Variants in LRRC28 observed in about 807,000 individuals in gnomAD.
The protein encoded by LRRC28 is leucine-rich repeat-containing protein 28.
A neutral mutation model predicts 45.7 loss-of-function variants in LRRC28; 39 were observed. The ratio of observed to expected loss-of-function variants is 0.85; its 90% CI spans 0.66 to 1.12. The LOEUF is 1.12. Among genes scored for constraint, LRRC28 ranks in the 50% most tolerant of loss-of-function variants. The pLI is 0.00. For missense variants in LRRC28, 435 were observed against 438.5 expected (o/e 0.99, Z 0.07); for synonymous variants, 206 against 178.8 (o/e 1.15, Z -1.22).
intron 9 of LRRC28, among the ~76,000 whole-genome samples, chr15:99,375,158 A>C (rs73464685): frequency 4.2e-4 from 64 of 152,230 alleles, no homozygotes; most frequent in African/African-American, 1.5e-3. Flanking sequence ...TTTCCTCTCT[A>C]TGTAGTTTGC....
At chr15:99,350,873 C>T (rs1362558085) in intron 6 of LRRC28, among the ~76,000 whole-genome samples, 1 of 152,138 alleles carries the variant, frequency 6.6e-6, no homozygotes, top group Non-Finnish European at 1.5e-5. Context: ...GATCTTGGCT[C>T]ATTGCAGCCT....
Position 99,251,485 on chromosome 15 carries a change from C to A in LRRC28, c.-117C>A, listed in dbSNP as rs1011269120. 1 of 152,472 alleles carries A rather than the reference C, an allele frequency of 6.6e-6. No individual in the cohort carries two copies. Among genetic ancestry groups the A allele is most frequent in the Non-Finnish European group, 1.5e-5 (1 of 68,042 alleles). 9.4% of individuals were successfully genotyped at this position (152,472 alleles called of 1,614,324 possible). A position where few individuals can be genotyped will look rare whatever the true frequency, so the allele number is the denominator to read the frequency against. On this transcript the variant is annotated 5_prime_UTR_variant, in exon 1 of 10. Coordinates refer to ENST00000301981, the MANE Select transcript of LRRC28 (RefSeq NM_144598.5). ...CCCTGCCCCGCCCCGCCCGCCGTCC[C>A]CCGCTTGGCTTCCAGCGCCGCTTGC...
intron 3 of LRRC28, among the ~76,000 whole-genome samples, chr15:99,278,427 T>C (rs1250032990): frequency 3.3e-5 from 5 of 152,166 alleles, no homozygotes; most frequent in Non-Finnish European, 1.5e-5. Flanking sequence ...TTTGTATTTT[T>C]AGTAGAGACG....
chr15:99,268,678 C>G (rs914803055), intron 2 of LRRC28, among the ~76,000 whole-genome samples: 1 of 152,084 alleles, frequency 6.6e-6, no homozygotes, highest in African/African-American at 2.4e-5. Flanking sequence ...CCCCGCAAAA[C>G]CAAACAGTTA....
At chr15:99,286,195 A>G (rs538574562) in intron 3 of LRRC28, among the ~76,000 whole-genome samples, 3 of 152,332 alleles carry the variant, frequency 2.0e-5, no homozygotes, top group East Asian at 1.9e-4. Flanking sequence ...CAGTGGCACA[A>G]TCGCGGCTCA....
rs577088140 is a variant in LRRC28, at chr15:99,356,959, T to G, written c.696-4377T>G. 5.3e-5 allele frequency among the ~76,000 whole-genome samples: 8 copies of G among 152,344 alleles called. No individual in the cohort carries two copies. In the East Asian group the frequency reaches 1.5e-3, roughly 29 times the overall value. On this transcript the variant is annotated intron_variant, in intron 7 of 9. Coordinates refer to ENST00000301981, the MANE Select transcript of LRRC28 (RefSeq NM_144598.5). Reference sequence around the variant, plus strand: ...ACATTCTCAGAACAAAACTTAGCCTTAAGTAGCTCTGCCAAGATGACAGAC... The same window carrying G: ...ACATTCTCAGAACAAAACTTAGCCTGAAGTAGCTCTGCCAAGATGACAGAC...
chr15:99,259,480 G>C, intron 2 of LRRC28: 1 of 1,150,210 alleles, frequency 8.7e-7, no homozygotes, highest in South Asian at 1.2e-5. Context: ...CCAATTGGGT[G>C]AAAGATAAAG....
At chr15:99,360,095 T>C (rs1567696324) in intron 7 of LRRC28, among the ~76,000 whole-genome samples, 1 of 152,168 alleles carries the variant, frequency 6.6e-6, no homozygotes, top group Non-Finnish European at 1.5e-5. Context: ...CCTAACAGTC[T>C]TCCCCGTGAA....
At chr15:99,253,480 AGAG>A (rs1290544504) in intron 1 of LRRC28, among the ~76,000 whole-genome samples, 1 of 152,174 alleles carries the variant, frequency 6.6e-6, no homozygotes, top group Non-Finnish European at 1.5e-5. Flanking sequence ...TTCTAGGCTA[AGAG>A]GAGACCAGCA....
At chr15:99,254,834 G>T (rs1042247566) in intron 1 of LRRC28, among the ~76,000 whole-genome samples, 1 of 152,168 alleles carries the variant, frequency 6.6e-6, no homozygotes, top group African/African-American at 2.4e-5. Flanking sequence ...AGCTAGAAGA[G>T]AATTTATAAT....
At chr15:99,359,428 C>T (rs1054050324) in intron 7 of LRRC28, among the ~76,000 whole-genome samples, 1 of 152,130 alleles carries the variant, frequency 6.6e-6, no homozygotes, top group Non-Finnish European at 1.5e-5. Flanking sequence ...AAATGGCCAG[C>T]AAGGCTAACA....
chr15:99,362,396 T>C (rs1957228358), intron 8 of LRRC28, among the ~76,000 whole-genome samples: 1 of 152,254 alleles, frequency 6.6e-6, no homozygotes, highest in Admixed American at 6.5e-5. Context: ...GATGAGTTGA[T>C]AATTTTTAGA....
intron 9 of LRRC28, among the ~76,000 whole-genome samples, chr15:99,385,069 T>A (rs62025383): frequency 0.081 from 12,311 of 152,254 alleles, 537 homozygotes; most frequent in South Asian, 0.099. Flanking sequence ...GAGCTCTCTC[T>A]GGAGCCTGGC....
chr15:99,338,455 C>T (rs1432548149), intron 6 of LRRC28: 1 of 152,206 alleles, frequency 6.6e-6, no homozygotes, highest in Admixed American at 6.5e-5. Context: ...TTTGGAAATA[C>T]TCTGCACATA....
intron 5 of LRRC28, among the ~76,000 whole-genome samples, chr15:99,312,851 A>T (rs1955462788): frequency 6.6e-6 from 1 of 152,202 alleles, no homozygotes; most frequent in Admixed American, 6.5e-5. Context: ...TGTATGAGAT[A>T]AAAAATAGAA....
At chr15:99,278,175 A>G (rs3961782) in intron 3 of LRRC28, among the ~76,000 whole-genome samples, 14,561 of 152,112 alleles carry the variant, frequency 0.096, 989 homozygotes, top group East Asian at 0.32. Context: ...CTTTAGTCTT[A>G]TTGCATTGGC....
rs752332969 is a variant in LRRC28, at chr15:99,256,151, A to C, written c.168+26A>C. 3.8e-6 allele frequency: 6 copies of C among 1,564,380 alleles called. No homozygotes were observed. The African/African-American group carries it at 8.3e-5, about 22-fold the overall frequency. On this transcript the variant is annotated intron_variant, in intron 2 of 9. Transcript: ENST00000301981. Reference sequence around the variant, plus strand: ...GTACAGTATTATATTACACTACTGAAAAATTATTTATACATGTGGTCCTGA... The same window carrying C: ...GTACAGTATTATATTACACTACTGACAAATTATTTATACATGTGGTCCTGA...
At chr15:99,257,468 GC>G (rs2081055775) in intron 2 of LRRC28, among the ~76,000 whole-genome samples, 1 of 152,182 alleles carries the variant, frequency 6.6e-6, no homozygotes, top group South Asian at 2.1e-4. Context: ...ATCTGCCATA[GC>G]CCAATGGGGT....
chr15:99,333,802 A>G (rs1231181331), intron 5 of LRRC28, 121 bp from the exon 6 acceptor site: 2 of 1,021,832 alleles, frequency 2.0e-6, no homozygotes, highest in East Asian at 5.2e-5. Context: ...TTCAGCATTC[A>G]TGTTTATGGG....
Sources: allele counts gnomAD v4.1 joint callset (sites outside exome capture counted in the v4.1 genomes callset), GRCh38; gene constraint gnomAD v4.1.1; transcripts MANE v1.5; gene names NCBI Gene and HGNC (gene_info 2026-07-23, HGNC 2026-07-21).